The following SCAF4 variants were observed in gnomAD, a reference collection of about 807,000 sequenced individuals.
SCAF4 encodes SR-related CTD associated factor 4, also known as SR-related and CTD-associated factor 4.
A neutral mutation model predicts 129.8 loss-of-function variants in SCAF4; 25 were observed. The ratio of observed to expected loss-of-function variants is 0.19; its 90% CI spans 0.14 to 0.27. The LOEUF (loss-of-function observed/expected upper bound fraction) is 0.27. SCAF4 is among the 10% of genes least tolerant of loss of function. The pLI, the probability that SCAF4 is intolerant of heterozygous loss-of-function variation, is 1.00. For missense variants in SCAF4, 1,246 were observed against 1,457.1 expected (o/e 0.86, Z 2.36); for synonymous variants, 551 against 497.7 (o/e 1.11, Z -1.43).
Position 31,688,497 on chromosome 21 carries a change from A to G in SCAF4, c.1886-33T>C, listed in dbSNP as rs1390681296. Reference sequence around the variant, plus strand: ...CGTGAAAGAAATTTAACAAGAGTTTACCATTTTCAGTTTGTAACTTTAAAT... The same window carrying G: ...CGTGAAAGAAATTTAACAAGAGTTTGCCATTTTCAGTTTGTAACTTTAAAT... On this transcript the variant is annotated intron_variant, in intron 15 of 19. Transcript: ENST00000286835. The G allele has an allele frequency of 5.8e-6, 9 of 1,564,282 alleles. No individual in the cohort carries two copies. The Admixed American group carries it at 8.6e-5, about 15-fold the overall frequency.
intron 1 of SCAF4, among the ~76,000 whole-genome samples, chr21:31,730,898 G>GA (rs1256456357): frequency 6.6e-6 from 1 of 152,220 alleles, no homozygotes; most frequent in Admixed American, 6.5e-5. Context: ...ACTACCTCGG[G>GA]AGGGGGTGCG....
chr21:31,678,562 C>T (rs1442160083), intron 19 of SCAF4, among the ~76,000 whole-genome samples: 1 of 145,820 alleles, frequency 6.9e-6, no homozygotes, highest in African/African-American at 2.4e-5. Flanking sequence ...AAAGACTCTA[C>T]ACCATTTCCC....
intron 19 of SCAF4, among the ~76,000 whole-genome samples, chr21:31,682,386 A>C (rs2050017541): frequency 6.6e-6 from 1 of 152,156 alleles, no homozygotes; most frequent in African/African-American, 2.4e-5. Context: ...CAAAAAAAAA[A>C]AAAAGTTTGC....
intron 4 of SCAF4, among the ~76,000 whole-genome samples, chr21:31,703,293 C>T (rs1430907318): frequency 6.6e-6 from 1 of 152,068 alleles, no homozygotes; most frequent in Non-Finnish European, 1.5e-5. Flanking sequence ...GATGATGCGC[C>T]TTTCATATTA....
In SCAF4 at chr21:31,696,751, C is replaced by G; in HGVS notation, c.778-1G>C. ...CATAGTCAAATCTATCAAGCAACTT[C>G]TGGAATAATTATGTCAATATTTCAT... On this transcript the variant is annotated splice_acceptor_variant, in intron 7 of 19. Transcript: ENST00000286835. LOFTEE classifies it high-confidence loss of function. 1.3e-6 allele frequency: 2 copies of G among 1,598,096 alleles called. No homozygotes were observed. The highest frequency in any genetic ancestry group is 1.7e-6 in the Non-Finnish European group (2 of 1,169,078).
chr21:31,705,915 T>C (rs1384493329), intron 2 of SCAF4, among the ~76,000 whole-genome samples: 1 of 152,192 alleles, frequency 6.6e-6, no homozygotes, highest in Non-Finnish European at 1.5e-5. Context: ...TTTAAAAAAC[T>C]GCTTTGAGGC....
intron 19 of SCAF4, among the ~76,000 whole-genome samples, chr21:31,675,588 G>A (rs113383001): frequency 1.5e-4 from 23 of 152,188 alleles, no homozygotes; most frequent in African/African-American, 4.6e-4. Flanking sequence ...TAACTCCCCC[G>A]GAATATAGGT....
intron 15 of SCAF4, among the ~76,000 whole-genome samples, chr21:31,689,795 C>T (rs991690729): frequency 6.6e-6 from 1 of 151,572 alleles, no homozygotes; most frequent in Non-Finnish European, 1.5e-5. Flanking sequence ...ATTAGCATGG[C>T]ACGGTGGCAC....
chr21:31,677,092 A>G (rs890418214), intron 19 of SCAF4, among the ~76,000 whole-genome samples: 1 of 152,006 alleles, frequency 6.6e-6, no homozygotes, highest in Non-Finnish European at 1.5e-5. Context: ...TTGGCTTATC[A>G]TTTTTTTAAA....
At chr21:31,679,194 C>T (rs527403786) in intron 19 of SCAF4, among the ~76,000 whole-genome samples, 20 of 152,108 alleles carry the variant, frequency 1.3e-4, no homozygotes, top group Non-Finnish European at 2.4e-4. Context: ...GCAGTTCCAC[C>T]GTTTTGATTT....
Position 31,671,110 on chromosome 21 carries a change from A to T in SCAF4, c.*289T>A. On this transcript the variant is annotated 3_prime_UTR_variant, in exon 20 of 20. Transcript: ENST00000286835. Reference sequence around the variant, plus strand: ...TTCACCGTTACCTTGTCTTAAATTAAAAAAAAAAAAAAAAATAGAGAGCAC... The same window carrying T: ...TTCACCGTTACCTTGTCTTAAATTATAAAAAAAAAAAAAAATAGAGAGCAC... 1.3e-5 allele frequency: 2 copies of T among 159,714 alleles called. No homozygotes were observed. Among genetic ancestry groups the T allele is most frequent in the Non-Finnish European group, 2.6e-5 (2 of 77,626 alleles). 9.9% of individuals were successfully genotyped at this position (159,714 alleles called of 1,614,324 possible). A position where few individuals can be genotyped will look rare whatever the true frequency, so the allele number is the denominator to read the frequency against.
intron 11 of SCAF4, among the ~76,000 whole-genome samples, chr21:31,693,722 C>T (rs548632742): frequency 5.9e-5 from 9 of 152,096 alleles, no homozygotes; most frequent in African/African-American, 1.2e-4. Context: ...TCTTCAGTGC[C>T]GTCTGGTACT....
chr21:31,688,228 C>T, intron 16 of SCAF4, 79 bp downstream of exon 16: 5 of 1,353,022 alleles, frequency 3.7e-6, no homozygotes, highest in Non-Finnish European at 5.0e-6. Context: ...TACTATGAAT[C>T]CAGACATATA....
chr21:31,672,144 G>A lies in SCAF4; in HGVS notation c.2699C>T (p.Pro900Leu), dbSNP rs757892338. Reference sequence around the variant, plus strand: ...GGGACCTTTCATTCCATGAGGTGGAGGCATCGCAAAGCCCCCTGGTCCTGG... The same window carrying A: ...GGGACCTTTCATTCCATGAGGTGGAAGCATCGCAAAGCCCCCTGGTCCTGG... ...PPPGPGGFAM[P>L]PPHGMKGPFP... is the part of the protein sequence containing the mutation. Residue 900 changes from proline to leucine, a missense_variant, in exon 20 of 20, where the codon CCT becomes CTT. Around this residue, in one of 6 missense-constraint regions of SCAF4, gnomAD observed 339 missense variants for 325.0 expected, o/e 1.04. Coordinates refer to ENST00000286835, the MANE Select transcript of SCAF4 (RefSeq NM_020706.2). 6.8e-6 allele frequency: 11 copies of A among 1,607,022 alleles called. No individual in the cohort carries two copies. The highest frequency in any genetic ancestry group is 2.2e-5 in the East Asian group (1 of 44,696).
At chr21:31,692,651 A>G (rs1042464216) in intron 12 of SCAF4, among the ~76,000 whole-genome samples, 12 of 152,264 alleles carry the variant, frequency 7.9e-5, no homozygotes, top group Admixed American at 6.5e-4. Context: ...AGTGAAAGAT[A>G]TACATAAAAG....
chr21:31,679,420 T>C (rs1246682860), intron 19 of SCAF4, among the ~76,000 whole-genome samples: 3 of 152,158 alleles, frequency 2.0e-5, no homozygotes, highest in South Asian at 2.1e-4. Flanking sequence ...ACCAACATGT[T>C]ATTTCCTTTG....
At chr21:31,719,495 A>G (rs1375221838) in intron 1 of SCAF4, among the ~76,000 whole-genome samples, 1 of 151,810 alleles carries the variant, frequency 6.6e-6, no homozygotes, top group Non-Finnish European at 1.5e-5. Flanking sequence ...CTAATGTATT[A>G]TTATTCTTCT....
chr21:31,700,954 G>C (rs2050515419), intron 7 of SCAF4, 41 bp downstream of exon 7: 1 of 1,582,586 alleles, frequency 6.3e-7, no homozygotes, highest in African/African-American at 1.3e-5. Flanking sequence ...CTCAAGTTGA[G>C]TGATATAAAT....
intron 7 of SCAF4, among the ~76,000 whole-genome samples, chr21:31,700,050 T>C (rs59300999): frequency 0.12 from 18,824 of 151,686 alleles, 1,848 homozygotes; most frequent in East Asian, 0.51. Context: ...AGCTTTGAAT[T>C]CCTGGGGCCA....
Sources: gnomAD v4.1 joint callset for allele counts (sites outside exome capture counted in the v4.1 genomes callset) on GRCh38, gnomAD v4.1.1 for gene constraint, gnomAD v4.1.1 regional missense constraint, MANE v1.5 for transcripts, NCBI Gene and HGNC (gene_info 2026-07-23, HGNC 2026-07-21) for gene names.